The following FADS1 variants were observed in gnomAD, a reference collection of about 807,000 sequenced individuals.
The protein encoded by FADS1 is fatty acid desaturase 1.
FADS1 carries 17 observed loss-of-function variants against 61.6 expected under a neutral mutation model. The ratio of observed to expected loss-of-function variants is 0.28; its 90% CI spans 0.19 to 0.41. The LOEUF is 0.41. Among genes scored for constraint, FADS1 ranks in the 10% least tolerant of loss-of-function variants. The probability of loss-of-function intolerance (pLI) is 1.00; values close to 1 mark genes in which losing one functional copy is unlikely to be tolerated. For missense variants in FADS1, 387 were observed against 650.9 expected (o/e 0.59, Z 4.41); for synonymous variants, 238 against 258.7 (o/e 0.92, Z 0.77).
At position 61,813,345 on chromosome 11, in the gene FADS1, A is replaced by G. The variant is rs1478057844; in HGVS notation, c.384T>C (p.Phe128=). 2 of 1,602,352 alleles carry G rather than the reference A, an allele frequency of 1.2e-6. No individual in the cohort carries two copies. Among genetic ancestry groups the G allele is most frequent in the Non-Finnish European group, 1.7e-6 (2 of 1,170,296 alleles). ...GGCCCTTGTTGATGTGGAAGGCCACAAAGGGATCCTGCAAGTGCCGGGAGA... is the reference window on the plus strand; with the variant it reads ...GGCCCTTGTTGATGTGGAAGGCCACGAAGGGATCCTGCAAGTGCCGGGAGA... ...HYAGQDATDP[F]VAFHINKGLV... The change falls in exon 2 of 12, where the codon TTT becomes TTC. Residue 128 remains phenylalanine, a synonymous_variant. Coordinates refer to ENST00000350997, the MANE Select transcript of FADS1 (RefSeq NM_013402.7).
Position 61,813,223 on chromosome 11 carries a change from T to C in FADS1, c.486+20A>G, listed in dbSNP as rs778231092. On this transcript the variant is annotated intron_variant, in intron 2 of 11. Transcript: ENST00000350997. ...CCCTCAACAACCAATAGTTGCGACA[T>C]AGCAAACACAGGGTCTTACATTCTT... 9 of 1,453,152 alleles carry C rather than the reference T, an allele frequency of 6.2e-6. No individual in the cohort carries two copies. The African/African-American group carries it at 8.4e-5, about 14-fold the overall frequency. 90.0% of individuals were successfully genotyped at this position (1,453,152 alleles called of 1,614,324 possible).
In FADS1 at chr11:61,801,411, G is replaced by C. The variant is rs1458192459; in HGVS notation, c.*1000C>G. ...AGACCCCCAGTCCTAGAAGTGTTCT[G>C]TTCCTGAGGAGTGGTTAAAGAGGTG... On this transcript the variant is annotated 3_prime_UTR_variant, in exon 12 of 12. Transcript: ENST00000350997. 6.6e-6 allele frequency: 1 copy of C among 152,332 alleles called. No homozygotes were observed. The highest frequency in any genetic ancestry group is 1.9e-4 in the East Asian group (1 of 5,336). The allele number at this position is 152,332 out of a possible 1,614,324, so 9.4% of individuals were successfully genotyped here. A position where few individuals can be genotyped will look rare whatever the true frequency, so the allele number is the denominator to read the frequency against.
chr11:61,811,877 T>A (rs2066933297), intron 3 of FADS1: 1 of 443,626 alleles, frequency 2.3e-6, no homozygotes, highest in Non-Finnish European at 4.5e-6. Context: ...CGTGAGCCAC[T>A]GTGCCTGGCC....
At chr11:61,813,509 T>C (rs971228754) in intron 1 of FADS1, 156 bp from the exon 2 acceptor site, 6 of 606,618 alleles carry the variant, frequency 9.9e-6, no homozygotes, top group East Asian at 5.5e-5. Context: ...AGTGCAGACT[T>C]GGAGAACTTT....
intron 5 of FADS1, among the ~76,000 whole-genome samples, chr11:61,808,268 G>A (rs748715253): frequency 1.3e-5 from 2 of 151,966 alleles, no homozygotes; most frequent in Admixed American, 1.3e-4. Flanking sequence ...CTCGGGAGGC[G>A]GAGGTTGTAG....
At chr11:61,810,409 G>A (rs1338078062) in intron 5 of FADS1, among the ~76,000 whole-genome samples, 1 of 152,166 alleles carries the variant, frequency 6.6e-6, no homozygotes, top group Non-Finnish European at 1.5e-5. Context: ...TGGGGCAAGA[G>A]TGTCAAAAAA....
Position 61,816,404 on chromosome 11 carries a change from GA to G in FADS1, c.375+150del. On this transcript the variant is annotated intron_variant, in intron 1 of 11. Coordinates refer to ENST00000350997, the MANE Select transcript of FADS1 (RefSeq NM_013402.7). The surrounding 1 kb of genome is among the most constrained non-coding windows in gnomAD (Gnocchi z 7.0). ...CCGCCTTTTCATCCCGCATCCGCAG[GA>G]CACCCAATCACCGGGCAACAGGTAT... The G allele has an allele frequency of 6.3e-7, 1 of 1,598,540 alleles. No individual in the cohort carries two copies. Among genetic ancestry groups the G allele is most frequent in the Non-Finnish European group, 8.5e-7 (1 of 1,179,798 alleles).
chr11:61,807,489 T>C (rs1406767319), intron 5 of FADS1, among the ~76,000 whole-genome samples: 1 of 152,268 alleles, frequency 6.6e-6, no homozygotes, highest in Non-Finnish European at 1.5e-5. Context: ...GTCTCTTGAC[T>C]TAAACATGAG....
chr11:61,811,951 G>A, intron 3 of FADS1: 1 of 383,650 alleles, frequency 2.6e-6, no homozygotes, highest in Non-Finnish European at 5.3e-6. Context: ...GAGATCAAGT[G>A]ATCCGGCCAC....
At chr11:61,808,435 T>G (rs534349499) in intron 5 of FADS1, among the ~76,000 whole-genome samples, 7 of 152,176 alleles carry the variant, frequency 4.6e-5, no homozygotes, top group African/African-American at 7.2e-5. Context: ...GCCTGGGCAA[T>G]AGGCTGCTTG....
chr11:61,813,586 C>G (rs1591154743), intron 1 of FADS1: 2 of 526,282 alleles, frequency 3.8e-6, no homozygotes, highest in East Asian at 6.5e-5. Flanking sequence ...TAAAATGGAC[C>G]AATCAGCACC....
intron 5 of FADS1, among the ~76,000 whole-genome samples, chr11:61,810,306 A>G (rs1019553144): frequency 2.0e-5 from 3 of 152,246 alleles, no homozygotes; most frequent in African/African-American, 7.2e-5. Context: ...ATGAAAGAAG[A>G]GTAAGACAGT....
chr11:61,804,888 C>A, intron 6 of FADS1, 127 bp from the exon 7 acceptor site: 1 of 780,276 alleles, frequency 1.3e-6, no homozygotes, highest in East Asian at 2.6e-5. Flanking sequence ...TGTCTCCCCT[C>A]CAGGTGCTTG....
chr11:61,806,933 T>A (rs1175853524), intron 5 of FADS1, among the ~76,000 whole-genome samples: 1 of 152,226 alleles, frequency 6.6e-6, no homozygotes, highest in Non-Finnish European at 1.5e-5. Flanking sequence ...CACCATGGCC[T>A]GCAGCTGGAT....
In FADS1 at chr11:61,803,656, C is replaced by T; in HGVS notation, c.1151+14G>A. On this transcript the variant is annotated intron_variant, in intron 8 of 11. Coordinates refer to ENST00000350997, the MANE Select transcript of FADS1 (RefSeq NM_013402.7). The surrounding 1 kb of genome is among the most constrained non-coding windows in gnomAD (Gnocchi z 4.3). ...TTCCTTCACCAGTCCCTATCCGCCC[C>T]CACCGAATACTACCTGACTATGAAG... is the stretch of plus-strand genomic sequence containing the variant. The T allele has an allele frequency of 1.3e-6, 2 of 1,594,916 alleles. No individual in the cohort carries two copies.
chr11:61,803,563 C>T lies in FADS1; in HGVS notation c.1152-104G>A. 7.4e-7 allele frequency: 1 copy of T among 1,351,034 alleles called. No homozygotes were observed. Among genetic ancestry groups the T allele is most frequent in the Admixed American group, 1.7e-5 (1 of 59,564 alleles). 83.7% of individuals were successfully genotyped at this position (1,351,034 alleles called of 1,614,324 possible). A position where few individuals can be genotyped will look rare whatever the true frequency, so the allele number is the denominator to read the frequency against. On this transcript the variant is annotated intron_variant, in intron 8 of 11. Transcript: ENST00000350997. This position sits in a 1 kb window ranked among gnomAD's most constrained non-coding sequence, Gnocchi z 4.3. The stretch of plus-strand genomic sequence containing the variant: ...GCCTGTCTACTTTCCCAAGCCAACT[C>T]CTGAAACACCCACTGTTACCCAAAG...
Position 61,815,099 on chromosome 11 carries a change from TG to T in FADS1, c.375+1455del, listed in dbSNP as rs892592029. ...TTTGGGTTGTGCAAGGTAAGGTCCA[TG>T]GCGATAAGATTCACGTTGGCAGGTC... is the stretch of plus-strand genomic sequence containing the variant. On this transcript the variant is annotated intron_variant, in intron 1 of 11. Transcript: ENST00000350997. This position sits in a 1 kb window ranked among gnomAD's most constrained non-coding sequence, Gnocchi z 6.4. 1.3e-5 allele frequency: 2 copies of T among 158,978 alleles called. No homozygotes were observed. The highest frequency in any genetic ancestry group is 4.8e-5 in the African/African-American group (2 of 41,534). The allele number at this position is 158,978 out of a possible 1,614,324, so 9.8% of individuals were successfully genotyped here.
chr11:61,811,118 A>C (rs776642499), intron 3 of FADS1, 43 bp from the exon 4 acceptor site: 3 of 1,496,806 alleles, frequency 2.0e-6, no homozygotes, highest in Non-Finnish European at 2.8e-6. Flanking sequence ...CACCAGCCCC[A>C]GTGTCGCCTT....
rs376564455 is a variant in FADS1, at chr11:61,810,754, C to T, written c.912G>A (p.Val304=). 1.2e-6 allele frequency: 2 copies of T among 1,614,162 alleles called. No individual in the cohort carries two copies. The highest frequency in any genetic ancestry group is 1.7e-6 in the Non-Finnish European group (2 of 1,180,040). The change falls in exon 5 of 12, where the codon GTG becomes GTA. Residue 304 remains valine, a synonymous_variant. Coordinates refer to ENST00000350997, the MANE Select transcript of FADS1 (RefSeq NM_013402.7). ...TTCCACTGATACCTCCACGCACCTC[C>T]ACAGAGAGGATCTTCCCCAAGGCAA... ...FFFALGKILS[V]ELGKQKKKYM...
Sources: allele counts gnomAD v4.1 joint callset (sites outside exome capture counted in the v4.1 genomes callset), GRCh38; gene constraint gnomAD v4.1.1; non-coding constraint Gnocchi (gnomAD v3.1); transcripts MANE v1.5; gene names NCBI Gene and HGNC (gene_info 2026-07-23, HGNC 2026-07-21).